PKIA: variants seen among roughly 807,000 people sequenced by gnomAD.
PKIA encodes PKI-alpha.
A neutral mutation model predicts 7.6 loss-of-function variants in PKIA; 4 were observed. That is an observed-to-expected ratio of 0.52 (90% CI 0.26 to 1.20). The LOEUF (loss-of-function observed/expected upper bound fraction) is 1.20. Among genes scored for constraint, PKIA ranks in the 50% most tolerant of loss-of-function variants. The pLI is 0.13. For synonymous variants in PKIA, 21 were observed against 30.7 expected, an observed-to-expected ratio of 0.68 and a Z score of 1.04; for missense variants, 73 against 86.2, an observed-to-expected ratio of 0.85 and a Z score of 0.61.
intron 1 of PKIA, among the ~76,000 whole-genome samples, chr8:78,540,810 T>C (rs1284429545): frequency 6.6e-6 from 1 of 151,940 alleles, no homozygotes; most frequent in Non-Finnish European, 1.5e-5. Flanking sequence ...TACATATAAT[T>C]ATTACATTTT....
At chr8:78,536,732 T>C (rs1396984252) in intron 1 of PKIA, among the ~76,000 whole-genome samples, 2 of 152,068 alleles carry the variant, frequency 1.3e-5, no homozygotes, top group African/African-American at 4.8e-5. Context: ...GAATAGTCCA[T>C]GTATTTACCC....
chr8:78,549,364 A>G (rs1156715565), intron 1 of PKIA, among the ~76,000 whole-genome samples: 2 of 151,924 alleles, frequency 1.3e-5, no homozygotes, highest in African/African-American at 4.8e-5. Context: ...CTGGTTTTAC[A>G]AGTTTTATAA....
chr8:78,528,810 A>G (rs1310491352), intron 1 of PKIA, among the ~76,000 whole-genome samples: 8 of 152,024 alleles, frequency 5.3e-5, no homozygotes, highest in Non-Finnish European at 2.9e-5. Context: ...AAAAAAAAAA[A>G]ATTCCTTCTG....
intron 1 of PKIA, chr8:78,534,142 A>T (rs1168635783): frequency 2.0e-5 from 3 of 152,146 alleles, no homozygotes; most frequent in Non-Finnish European, 4.4e-5. Flanking sequence ...GAAACTAACC[A>T]TCAGTGTTTT....
At chr8:78,520,592 AGAGT>A (rs1291903475) in intron 1 of PKIA, among the ~76,000 whole-genome samples, 2 of 152,174 alleles carry the variant, frequency 1.3e-5, no homozygotes, top group African/African-American at 4.8e-5. Flanking sequence ...GAAGTGTAAC[AGAGT>A]GAGGGAAAAC....
intron 3 of PKIA, 128 bp from the exon 4 acceptor site, chr8:78,601,614 A>T: frequency 1.4e-6 from 1 of 711,234 alleles, no homozygotes; most frequent in South Asian, 1.6e-5. Context: ...AAGAAAATAT[A>T]CTTGTTCCTT....
Position 78,545,004 on chromosome 8 carries a change from C to T in PKIA, c.-156-27807C>T, listed in dbSNP as rs75555936. Reference sequence around the variant, plus strand: ...CTTTATTATTAAAGAATCTCCCAAACGGTAATATATGGAAAATGCTTTCAC... The same window carrying T: ...CTTTATTATTAAAGAATCTCCCAAATGGTAATATATGGAAAATGCTTTCAC... On this transcript the variant is annotated intron_variant, in intron 1 of 3. Coordinates refer to ENST00000396418, the MANE Select transcript of PKIA (RefSeq NM_006823.4). Among the ~76,000 whole-genome samples, 14 of 151,738 alleles carry T rather than the reference C, an allele frequency of 9.2e-5. No individual in the cohort carries two copies. The East Asian group carries it at 1.7e-3, about 19-fold the overall frequency.
At chr8:78,595,327 T>C (rs1422539802) in intron 2 of PKIA, among the ~76,000 whole-genome samples, 1 of 152,094 alleles carries the variant, frequency 6.6e-6, no homozygotes, top group Non-Finnish European at 1.5e-5. Flanking sequence ...AATTGGTTCA[T>C]TGAGTATAAG....
rs1806700752 is a variant in PKIA, at chr8:78,541,839, C to T, written c.-157+25371C>T. Among the ~76,000 whole-genome samples, 3 of 148,042 alleles carry T rather than the reference C, an allele frequency of 2.0e-5. No individual in the cohort carries two copies. The South Asian group carries it at 6.4e-4, about 31-fold the overall frequency. On this transcript the variant is annotated intron_variant, in intron 1 of 3. Coordinates refer to ENST00000396418, the MANE Select transcript of PKIA (RefSeq NM_006823.4). ...TTTTTTTTTTTTAGATTCCCTCTAC[C>T]ATCTCCAACAGAAGGTTAGCTTTCT...
intron 1 of PKIA, among the ~76,000 whole-genome samples, chr8:78,546,904 C>T (rs1806837898): frequency 6.6e-6 from 1 of 152,062 alleles, no homozygotes; most frequent in African/African-American, 2.4e-5. Context: ...ACATAAAAAT[C>T]CAAGCATTAT....
intron 1 of PKIA, among the ~76,000 whole-genome samples, chr8:78,542,787 C>T (rs934910677): frequency 1.1e-4 from 16 of 152,074 alleles, no homozygotes; most frequent in African/African-American, 3.6e-4. Flanking sequence ...TTTGTATTCC[C>T]AGTCATACCA....
intron 1 of PKIA, among the ~76,000 whole-genome samples, chr8:78,567,893 C>T (rs1221219086): frequency 3.3e-5 from 5 of 152,036 alleles, no homozygotes; most frequent in Non-Finnish European, 4.4e-5. Context: ...TCAATTGTTC[C>T]CAGGCTCAAT....
intron 1 of PKIA, among the ~76,000 whole-genome samples, chr8:78,565,808 G>C (rs1190827288): frequency 6.6e-6 from 1 of 151,734 alleles, no homozygotes; most frequent in Non-Finnish European, 1.5e-5. Context: ...TTATTATTTA[G>C]GTCTTCATTT....
Position 78,603,699 on chromosome 8 carries a change from A to G in PKIA, c.*1878A>G, listed in dbSNP as rs1457521509. The G allele has an allele frequency of 6.6e-6, 1 of 151,960 alleles. No individual in the cohort carries two copies. The highest frequency in any genetic ancestry group is 2.4e-5 in the African/African-American group (1 of 41,430). The allele number at this position is 151,960 out of a possible 1,614,324, so 9.4% of individuals were successfully genotyped here. A position where few individuals can be genotyped will look rare whatever the true frequency, so the allele number is the denominator to read the frequency against. On this transcript the variant is annotated 3_prime_UTR_variant, in exon 4 of 4. Coordinates refer to ENST00000396418, the MANE Select transcript of PKIA (RefSeq NM_006823.4). ...CCCTGGTAAACTGTTTAAACCATCA[A>G]ACCCCTACAGTCAGTTTTCAGTATC...
intron 1 of PKIA, among the ~76,000 whole-genome samples, chr8:78,529,689 CA>C (rs1334454884): frequency 2.6e-5 from 4 of 151,816 alleles, no homozygotes; most frequent in Non-Finnish European, 5.9e-5. Context: ...CATAACAGGT[CA>C]CAGGTGTTGC....
intron 2 of PKIA, among the ~76,000 whole-genome samples, chr8:78,577,442 G>C (rs145012082): frequency 6.6e-6 from 1 of 151,536 alleles, no homozygotes; most frequent in African/African-American, 2.4e-5. Flanking sequence ...AAATCCCTTT[G>C]ATATGAGTTT....
At chr8:78,524,155 T>A (rs945994646) in intron 1 of PKIA, among the ~76,000 whole-genome samples, 1 of 136,000 alleles carries the variant, frequency 7.4e-6, no homozygotes, top group Non-Finnish European at 1.5e-5. Context: ...TATATTTATA[T>A]ATAAATATAT....
Position 78,602,155 on chromosome 8 carries a change from A to C in PKIA, c.*334A>C. On this transcript the variant is annotated 3_prime_UTR_variant, in exon 4 of 4. Transcript: ENST00000396418. ...TTCCTGTAGCATCTGGCCCCTCACA[A>C]TGTCAGAGGATTTAATTGTGTCTAA... The C allele has an allele frequency of 4.3e-6, 1 of 231,814 alleles. No individual in the cohort carries two copies. 14.4% of individuals were successfully genotyped at this position (231,814 alleles called of 1,614,324 possible).
intron 2 of PKIA, among the ~76,000 whole-genome samples, chr8:78,588,830 G>A (rs1207152318): frequency 2.0e-5 from 3 of 151,510 alleles, no homozygotes; most frequent in African/African-American, 7.3e-5. Context: ...AGCGATGAAT[G>A]TCTTAAAGAA....
Sources: allele counts gnomAD v4.1 joint callset (sites outside exome capture counted in the v4.1 genomes callset), GRCh38; gene constraint gnomAD v4.1.1; transcripts MANE v1.5; gene names NCBI Gene and HGNC (gene_info 2026-07-23, HGNC 2026-07-21).